The following MKRN2 variants were observed in gnomAD, a reference collection of about 807,000 sequenced individuals.
The protein encoded by MKRN2 is makorin ring finger protein 2.
Under a neutral mutation model 45.4 loss-of-function variants are expected in MKRN2, and 32 were observed. The observed-to-expected ratio is 0.70, with a 90% CI of 0.53 to 0.95. The LOEUF (loss-of-function observed/expected upper bound fraction) is 0.95. Among genes scored for constraint, MKRN2 ranks in the 40% least tolerant of loss-of-function variants. The pLI is 0.00. For missense variants in MKRN2, 526 were observed against 536.7 expected, an observed-to-expected ratio of 0.98 and a Z score of 0.20; for synonymous variants, 206 against 192.4, an observed-to-expected ratio of 1.07 and a Z score of -0.59.
chr3:12,574,769 C>T, intron 4 of MKRN2, 23 bp from the exon 5 acceptor site: 1 of 1,604,668 alleles, frequency 6.2e-7, no homozygotes, highest in Non-Finnish European at 8.5e-7. Context: ...CAACCAAAGC[C>T]TTCCTTCCTG....
intron 6 of MKRN2, 148 bp from the exon 7 acceptor site, chr3:12,581,660 C>T (rs2058179264): frequency 2.4e-6 from 2 of 821,524 alleles, no homozygotes; most frequent in East Asian, 5.0e-5. Flanking sequence ...ACAAATCACT[C>T]AACCTCTCCC....
chr3:12,563,679 G>A (rs1282845315), intron 1 of MKRN2, among the ~76,000 whole-genome samples: 19 of 128,352 alleles, frequency 1.5e-4, no homozygotes, highest in East Asian at 1.2e-3. Flanking sequence ...TAGTAGAGAC[G>A]GGGTTTCACC....
intron 1 of MKRN2, among the ~76,000 whole-genome samples, chr3:12,559,402 A>G (rs757030000): frequency 6.6e-6 from 1 of 152,198 alleles, no homozygotes; most frequent in African/African-American, 2.4e-5. Flanking sequence ...GACCAGATCT[A>G]AGCAGCGTGT....
intron 4 of MKRN2, among the ~76,000 whole-genome samples, chr3:12,573,235 C>T (rs557662197): frequency 1.7e-4 from 26 of 151,850 alleles, no homozygotes; most frequent in Middle Eastern, 6.8e-3. Context: ...GGATAAGAGG[C>T]GGGGGAGGGC....
Position 12,572,245 on chromosome 3 carries a change from C to A in MKRN2, c.514C>A (p.Pro172Thr). ...SSYSNEQQLC[P>T]YAAAGECRFG... ...CTACAGCAACGAGCAGCAGCTGTGC[C>A]CCTACGCAGCTGCTGGGGAGTGCCG... is the stretch of plus-strand genomic sequence containing the variant. The change falls in exon 4 of 8, where the codon CCC becomes ACC. Residue 172 changes from proline to threonine, a missense_variant. By Grantham distance (38) the Pro-to-Thr change is conservative. Coordinates refer to ENST00000170447, the MANE Select transcript of MKRN2 (RefSeq NM_014160.5). The A allele has an allele frequency of 6.2e-7, 1 of 1,614,048 alleles. No homozygotes were observed. Among genetic ancestry groups the A allele is most frequent in the Non-Finnish European group, 8.5e-7 (1 of 1,179,996 alleles).
chr3:12,581,589 G>T (rs1308703059), intron 6 of MKRN2, among the ~76,000 whole-genome samples: 1 of 152,190 alleles, frequency 6.6e-6, no homozygotes, highest in African/African-American at 2.4e-5. Flanking sequence ...AAGGCTGCAG[G>T]TAAGTGGGGA....
rs1379719159 is a variant in MKRN2 at position 12,572,264 on chromosome 3, A to C, written c.533A>C (p.Glu178Ala). 24 of 1,613,924 alleles carry C rather than the reference A, an allele frequency of 1.5e-5. No individual in the cohort carries two copies. The highest frequency in any genetic ancestry group is 2.0e-5 in the Non-Finnish European group (24 of 1,179,984). The part of the protein sequence containing the change: ...QQLCPYAAAG[E>A]CRFGDACVYL... ...CTGTGCCCCTACGCAGCTGCTGGGG[A>C]GTGCCGGTTTGGGGATGCCTGTGTC... is the stretch of plus-strand genomic sequence containing the variant. Residue 178 changes from glutamate to alanine, a missense_variant, in exon 4 of 8, where the codon GAG (glutamate) becomes GCG (alanine). Coordinates refer to ENST00000170447, the MANE Select transcript of MKRN2 (RefSeq NM_014160.5).
chr3:12,583,093 G>C lies in MKRN2; in HGVS notation c.*840G>C, dbSNP rs1355216253. The C allele has an allele frequency of 6.6e-6, 1 of 152,208 alleles. No homozygotes were observed. The highest frequency in any genetic ancestry group is 1.5e-5 in the Non-Finnish European group (1 of 68,038). The allele number at this position is 152,208 out of a possible 1,614,324, so 9.4% of individuals were successfully genotyped here. Reference sequence around the variant, plus strand: ...AACTCAAATATACGTGCACTTACATGTGTGGTTCGTACTCAAGTGATCTAT... The same window carrying C: ...AACTCAAATATACGTGCACTTACATCTGTGGTTCGTACTCAAGTGATCTAT... On this transcript the variant is annotated 3_prime_UTR_variant, in exon 8 of 8. Coordinates refer to ENST00000170447, the MANE Select transcript of MKRN2 (RefSeq NM_014160.5).
intron 2 of MKRN2, among the ~76,000 whole-genome samples, chr3:12,569,410 T>C (rs1189386011): frequency 6.6e-6 from 1 of 151,900 alleles, no homozygotes; most frequent in African/African-American, 2.4e-5. Context: ...TCCTCCCGCC[T>C]CAGCTTCCCA....
chr3:12,575,070 C>T (rs937312120), intron 5 of MKRN2, 64 bp downstream of exon 5: 56 of 1,493,156 alleles, frequency 3.8e-5, no homozygotes, highest in African/African-American at 1.7e-4. Context: ...GACTTTATTC[C>T]GTCCACTTTT....
chr3:12,578,294 C>CCAG (rs1559392091), intron 6 of MKRN2, among the ~76,000 whole-genome samples: 1 of 150,786 alleles, frequency 6.6e-6, no homozygotes, highest in African/African-American at 2.4e-5. Flanking sequence ...TTGGCCTGCT[C>CCAG]CAGGATAAGA....
chr3:12,583,569 G>GAATT lies in MKRN2; in HGVS notation c.*1318_*1321dup, dbSNP rs1271820907. 9.0e-6 allele frequency: 2 copies of GAATT among 223,112 alleles called. No homozygotes were observed. The highest frequency in any genetic ancestry group is 6.6e-5 in the East Asian group (1 of 15,266). 13.8% of individuals were successfully genotyped at this position (223,112 alleles called of 1,614,324 possible). A position where few individuals can be genotyped will look rare whatever the true frequency, so the allele number is the denominator to read the frequency against. On this transcript the variant is annotated 3_prime_UTR_variant, in exon 8 of 8. Coordinates refer to ENST00000170447, the MANE Select transcript of MKRN2 (RefSeq NM_014160.5). ...ATGGGGCATTCAAGTTGTGAGCTCA[G>GAATT]AATTACTTTAAAAGGAGGTAACAGC...
chr3:12,563,117 G>C (rs1051750988), intron 1 of MKRN2, among the ~76,000 whole-genome samples: 1 of 152,092 alleles, frequency 6.6e-6, no homozygotes, highest in Admixed American at 6.6e-5. Context: ...CCTAGCAAAG[G>C]CTGTAGGATG....
intron 6 of MKRN2, chr3:12,576,942 T>TTTTTTTTTTTTG (rs1559391621): frequency 1.5e-5 from 4 of 261,942 alleles, no homozygotes; most frequent in Non-Finnish European, 2.8e-5. Flanking sequence ...TGTTTTTTTT[T>TTTTTTTTTTTTG]TTTTTTTTTT....
Position 12,582,758 on chromosome 3 carries a change from C to T in MKRN2, c.*505C>T, listed in dbSNP as rs1350042052. 1.3e-5 allele frequency: 2 copies of T among 153,792 alleles called. No individual in the cohort carries two copies. Among genetic ancestry groups the T allele is most frequent in the African/African-American group, 2.4e-5 (1 of 41,438 alleles). 9.5% of individuals were successfully genotyped at this position (153,792 alleles called of 1,614,324 possible). ...TCAAGAACACACAATGCAAAGTGAG[C>T]GCAGCATAGCTGTTAACAAACATAC... On this transcript the variant is annotated 3_prime_UTR_variant, in exon 8 of 8. Coordinates refer to ENST00000170447, the MANE Select transcript of MKRN2 (RefSeq NM_014160.5).
Position 12,581,889 on chromosome 3 carries a change from C to T in MKRN2, c.1050C>T (p.Pro350=), listed in dbSNP as rs1463051702. Residue 350 remains proline, a synonymous_variant, in exon 7 of 8, where the codon CCC becomes CCT. Transcript: ENST00000170447. ...GSKCLYRHAY[P]DGRLAEPEKP... ...AATGTCTTTATCGCCATGCTTACCC[C>T]GATGGGCGGCTAGCAGAGCCTGAGA... 8 of 1,614,160 alleles carry T rather than the reference C, an allele frequency of 5.0e-6. No homozygotes were observed. Among genetic ancestry groups the T allele is most frequent in the Non-Finnish European group, 6.8e-6 (8 of 1,180,034 alleles).
intron 6 of MKRN2, among the ~76,000 whole-genome samples, chr3:12,580,583 C>T (rs893306573): frequency 1.1e-4 from 16 of 152,246 alleles, no homozygotes; most frequent in Admixed American, 3.9e-4. Context: ...CTCAGCCTCC[C>T]GAGTAGCTGG....
At chr3:12,580,478 A>G (rs1310914605) in intron 6 of MKRN2, among the ~76,000 whole-genome samples, 1 of 143,246 alleles carries the variant, frequency 7.0e-6, no homozygotes, top group Admixed American at 7.0e-5. Context: ...AGTGAGACGA[A>G]GTCTCACTCT....
chr3:12,564,782 C>T (rs1037518714), intron 1 of MKRN2, among the ~76,000 whole-genome samples: 2 of 152,214 alleles, frequency 1.3e-5, no homozygotes, highest in Non-Finnish European at 2.9e-5. Context: ...ACCCTCACTT[C>T]TCTCCTCCCA....
Sources: gnomAD v4.1 joint callset for allele counts (sites outside exome capture counted in the v4.1 genomes callset) on GRCh38, gnomAD v4.1.1 for gene constraint, MANE v1.5 for transcripts, NCBI Gene and HGNC (gene_info 2026-07-23, HGNC 2026-07-21) for gene names.